DACH1: variants seen among roughly 807,000 people sequenced by gnomAD.
The protein encoded by DACH1 is dachshund family transcription factor 1.
In DACH1, 12 loss-of-function variants were observed where a neutral mutation model predicts 54.2. The ratio of observed to expected loss-of-function variants is 0.22; its 90% CI spans 0.14 to 0.36. The LOEUF is 0.36. Ranked by LOEUF, DACH1 falls within the 10% of genes least tolerant of loss-of-function variation. The probability of loss-of-function intolerance (pLI) is 1.00; values close to 1 mark genes in which losing one functional copy is unlikely to be tolerated. For missense variants in DACH1, 805 were observed against 929.8 expected (o/e 0.87, Z 1.75); for synonymous variants, 386 against 366.2 (o/e 1.05, Z -0.62).
At chr13:71,546,848 A>G (rs1452028360) in intron 6 of DACH1, among the ~76,000 whole-genome samples, 3 of 152,108 alleles carry the variant, frequency 2.0e-5, no homozygotes, top group African/African-American at 2.4e-5. Context: ...ATCATGTATC[A>G]TATCATTACA....
At chr13:71,699,368 T>C (rs922066997) in intron 1 of DACH1, among the ~76,000 whole-genome samples, 3 of 152,232 alleles carry the variant, frequency 2.0e-5, no homozygotes, top group African/African-American at 7.2e-5. Context: ...ATTTCATTTT[T>C]TGGTAACATT....
At chr13:71,488,846 A>G (rs1171119779) in intron 7 of DACH1, 151 bp downstream of exon 7, 8 of 516,180 alleles carry the variant, frequency 1.5e-5, no homozygotes, top group Non-Finnish European at 2.0e-5. Context: ...TGATTAGTGT[A>G]ACAGGTTTAA....
At chr13:71,758,461 G>C (rs974254107) in intron 1 of DACH1, among the ~76,000 whole-genome samples, 1 of 152,194 alleles carries the variant, frequency 6.6e-6, no homozygotes, top group African/African-American at 2.4e-5. Flanking sequence ...GGTCTTCAAT[G>C]TGATCAAGAA....
At chr13:71,788,418 T>C (rs900164222) in intron 1 of DACH1, among the ~76,000 whole-genome samples, 1 of 152,178 alleles carries the variant, frequency 6.6e-6, no homozygotes, top group Admixed American at 6.5e-5. Context: ...AATATGCATA[T>C]ACATTTCTGT....
At chr13:71,674,246 C>T (rs1256041505) in intron 2 of DACH1, among the ~76,000 whole-genome samples, 3 of 152,102 alleles carry the variant, frequency 2.0e-5, no homozygotes, top group Non-Finnish European at 2.9e-5. Flanking sequence ...TGCTGGATGT[C>T]GTAGGCTGCC....
chr13:71,781,344 A>ATTTT (rs945051341), intron 1 of DACH1, among the ~76,000 whole-genome samples: 159 of 133,658 alleles, frequency 1.2e-3, no homozygotes, highest in African/African-American at 3.4e-3. Context: ...GATCTTTTTT[A>ATTTT]TTTTTATTTA....
At chr13:71,708,884 G>A (rs1238997316) in intron 1 of DACH1, among the ~76,000 whole-genome samples, 41 of 126,122 alleles carry the variant, frequency 3.3e-4, no homozygotes, top group South Asian at 3.2e-3. Flanking sequence ...ACGGAGTCTC[G>A]CTCTGTCGCC....
chr13:71,621,309 C>G (rs1876218093), intron 3 of DACH1, among the ~76,000 whole-genome samples: 1 of 151,822 alleles, frequency 6.6e-6, no homozygotes, highest in African/African-American at 2.4e-5. Flanking sequence ...TCTGCAGAAC[C>G]AAAAAGGGAA....
intron 1 of DACH1, among the ~76,000 whole-genome samples, chr13:71,808,807 T>C (rs1887606381): frequency 1.3e-5 from 2 of 152,180 alleles, no homozygotes; most frequent in Non-Finnish European, 2.9e-5. Flanking sequence ...CTTTATGTTC[T>C]TTTAAATATA....
chr13:71,568,053 C>G (rs9599859), intron 4 of DACH1, among the ~76,000 whole-genome samples: 17,589 of 151,568 alleles, frequency 0.12, 2,224 homozygotes, highest in African/African-American at 0.32. Context: ...AGTCGTTTAA[C>G]GTAATAAAGG....
At chr13:71,493,114 C>T (rs767990941) in intron 6 of DACH1, among the ~76,000 whole-genome samples, 1 of 151,844 alleles carries the variant, frequency 6.6e-6, no homozygotes, top group African/African-American at 2.4e-5. Flanking sequence ...TAGTCACACC[C>T]TGTCTGGTCC....
rs1875808180 is a variant in DACH1 at position 71,458,725 on chromosome 13, T to G, written c.2083+16416A>C. Among the ~76,000 whole-genome samples the G allele has an allele frequency of 2.0e-5, 3 of 151,932 alleles. No individual in the cohort carries two copies. In the South Asian group the frequency reaches 6.2e-4, roughly 31 times the overall value. The stretch of plus-strand genomic sequence containing the variant: ...ATACACATGATATATTTTGATTCAT[T>G]AAAATTGTTTCTGTTTCATATAATA... On this transcript the variant is annotated intron_variant, in intron 10 of 10. Coordinates refer to ENST00000613252, the MANE Select transcript of DACH1 (RefSeq NM_080759.6).
chr13:71,636,549 A>AAATAATAATAAT (rs368128838), intron 2 of DACH1, among the ~76,000 whole-genome samples: 20 of 146,910 alleles, frequency 1.4e-4, no homozygotes, highest in African/African-American at 4.0e-4. Flanking sequence ...CACAAAGTAA[A>AAATAATAATAAT]AATAATAATA....
At chr13:71,650,826 G>C (rs1489895488) in intron 2 of DACH1, among the ~76,000 whole-genome samples, 1 of 152,048 alleles carries the variant, frequency 6.6e-6, no homozygotes, top group Non-Finnish European at 1.5e-5. Context: ...AAATTTGTAA[G>C]AATTACTTGA....
intron 1 of DACH1, among the ~76,000 whole-genome samples, chr13:71,832,999 T>A (rs1888653179): frequency 6.6e-6 from 1 of 151,980 alleles, no homozygotes; most frequent in Non-Finnish European, 1.5e-5. Context: ...TTATTTTTAA[T>A]GAAATCCATA....
intron 1 of DACH1, among the ~76,000 whole-genome samples, chr13:71,692,606 T>C (rs1217180958): frequency 1.5e-5 from 2 of 133,260 alleles, no homozygotes; most frequent in African/African-American, 5.7e-5. Flanking sequence ...CACCGCAACC[T>C]CTGCCTCCCA....
intron 1 of DACH1, among the ~76,000 whole-genome samples, chr13:71,707,856 T>C (rs1882521108): frequency 6.6e-6 from 1 of 151,822 alleles, no homozygotes; most frequent in Non-Finnish European, 1.5e-5. Context: ...AAAGGGAGGA[T>C]GAAGAGATGG....
At chr13:71,786,778 T>G (rs1451299427) in intron 1 of DACH1, among the ~76,000 whole-genome samples, 2 of 152,126 alleles carry the variant, frequency 1.3e-5, no homozygotes, top group African/African-American at 2.4e-5. Context: ...AAAACTTCTA[T>G]CAGAATTTCA....
chr13:71,841,751 G>T (rs1936291966), intron 1 of DACH1, among the ~76,000 whole-genome samples: 1 of 152,126 alleles, frequency 6.6e-6, no homozygotes, highest in Non-Finnish European at 1.5e-5. Flanking sequence ...AAGAGCTGCT[G>T]CCAGTAAGTT....
Sources: allele counts gnomAD v4.1 joint callset (sites outside exome capture counted in the v4.1 genomes callset), GRCh38; gene constraint gnomAD v4.1.1; transcripts MANE v1.5; gene names NCBI Gene and HGNC (gene_info 2026-07-23, HGNC 2026-07-21).